Variants in CNTN3 observed in about 807,000 individuals in gnomAD.
CNTN3 encodes the protein contactin 3, also known as contactin-3.
CNTN3 carries 60 observed loss-of-function variants against 119.1 expected under a neutral mutation model. That is an observed-to-expected ratio of 0.50 (90% CI 0.41 to 0.62). CNTN3 has a LOEUF of 0.62. CNTN3 is among the 20% of genes least tolerant of loss of function. The pLI, the probability that CNTN3 is intolerant of heterozygous loss-of-function variation, is 0.00. For synonymous variants in CNTN3, 450 were observed against 438.7 expected, an observed-to-expected ratio of 1.03 and a Z score of -0.32; for missense variants, 1,101 against 1,242.4, an observed-to-expected ratio of 0.89 and a Z score of 1.71.
chr3:74,522,887 A>C (rs1703563437), intron 1 of CNTN3, among the ~76,000 whole-genome samples: 1 of 151,812 alleles, frequency 6.6e-6, no homozygotes. Context: ...TGTCTGCTAC[A>C]CTGTGCATAG....
chr3:74,358,275 G>A (rs1266767519), intron 11 of CNTN3, among the ~76,000 whole-genome samples: 2 of 152,110 alleles, frequency 1.3e-5, no homozygotes, highest in Non-Finnish European at 2.9e-5. Context: ...ATGATCAGTA[G>A]GGGAGATATT....
chr3:74,271,768 G>C (rs1701781786), intron 20 of CNTN3, among the ~76,000 whole-genome samples: 1 of 152,200 alleles, frequency 6.6e-6, no homozygotes, highest in East Asian at 1.9e-4. Context: ...GTGGTATTGT[G>C]CAACGATCAT....
chr3:74,519,972 C>CTT (rs1703515243), intron 2 of CNTN3, among the ~76,000 whole-genome samples: 1 of 151,592 alleles, frequency 6.6e-6, no homozygotes, highest in African/African-American at 2.4e-5. Context: ...TGAACTTTGA[C>CTT]ATAAGAGCCT....
At chr3:74,347,126 A>G (rs1293113939) in intron 11 of CNTN3, among the ~76,000 whole-genome samples, 1 of 152,200 alleles carries the variant, frequency 6.6e-6, no homozygotes, top group Admixed American at 6.5e-5. Context: ...TGGGAGCTGT[A>G]TAATTCATGC....
chr3:74,438,714 A>G (rs556629956), intron 4 of CNTN3, among the ~76,000 whole-genome samples: 1 of 152,242 alleles, frequency 6.6e-6, no homozygotes, highest in South Asian at 2.1e-4. Flanking sequence ...AAAGCTCTTG[A>G]TATTTAGCAT....
intron 4 of CNTN3, among the ~76,000 whole-genome samples, chr3:74,440,069 T>A (rs547919725): frequency 6.6e-6 from 1 of 152,334 alleles, no homozygotes; most frequent in South Asian, 2.1e-4. Context: ...TATTTGGGTA[T>A]AACTGGCTTC....
chr3:74,603,427 C>A (rs1704943290), intron 1 of CNTN3, among the ~76,000 whole-genome samples: 2 of 152,104 alleles, frequency 1.3e-5, no homozygotes, highest in South Asian at 4.1e-4. Flanking sequence ...GAATAAGCCA[C>A]ATAGAGCAGG....
chr3:74,607,446 C>T (rs57378997), intron 1 of CNTN3, among the ~76,000 whole-genome samples: 1 of 152,138 alleles, frequency 6.6e-6, no homozygotes, highest in African/African-American at 2.4e-5. Context: ...AAATGAACTG[C>T]GATTGAGTTA....
At chr3:74,356,756 C>T (rs1454525309) in intron 11 of CNTN3, among the ~76,000 whole-genome samples, 2 of 152,044 alleles carry the variant, frequency 1.3e-5, no homozygotes, top group Non-Finnish European at 2.9e-5. Context: ...ACTACTCTAG[C>T]TTGAAATGCT....
intron 13 of CNTN3, among the ~76,000 whole-genome samples, chr3:74,315,315 TCG>T (rs1406907695): frequency 6.6e-6 from 1 of 152,202 alleles, no homozygotes; most frequent in East Asian, 1.9e-4. Context: ...CCAGCAGATC[TCG>T]AGGCTGCTCT....
chr3:74,336,510 A>G (rs771923058), intron 12 of CNTN3, 21 bp downstream of exon 12: 3 of 1,609,254 alleles, frequency 1.9e-6, no homozygotes, highest in East Asian at 2.2e-5. Context: ...ATGTAAAGCA[A>G]TATTTTAGAA....
chr3:74,551,786 T>G lies in CNTN3; in HGVS notation c.-80-30594A>C, dbSNP rs1247885492. On this transcript the variant is annotated intron_variant, in intron 1 of 22. Transcript: ENST00000263665. ...TTTTTTTTTTTTTTTTTTTTTGAGA[T>G]GGAGTCCTGCTCTGTTGCCCAGGCT... Among the ~76,000 whole-genome samples the G allele has an allele frequency of 2.5e-5, 3 of 118,546 alleles. No individual in the cohort carries two copies. In the Admixed American group the frequency reaches 2.9e-4, roughly 12 times the overall value. 77.8% of individuals were successfully genotyped at this position (118,546 alleles called of 152,430 possible).
chr3:74,550,102 T>G (rs1024048705), intron 1 of CNTN3, among the ~76,000 whole-genome samples: 3 of 152,264 alleles, frequency 2.0e-5, no homozygotes, highest in African/African-American at 7.2e-5. Context: ...GTGGTAGATT[T>G]GGAATGGGGC....
At chr3:74,465,983 G>A (rs9825057) in intron 4 of CNTN3, among the ~76,000 whole-genome samples, 41,543 of 152,010 alleles carry the variant, frequency 0.27, 5,878 homozygotes, top group Non-Finnish European at 0.32. Context: ...GATCCAGCTA[G>A]GACTATAGCC....
chr3:74,343,315 A>G (rs977722922), intron 11 of CNTN3, among the ~76,000 whole-genome samples: 1 of 152,210 alleles, frequency 6.6e-6, no homozygotes, highest in Admixed American at 6.5e-5. Flanking sequence ...TATGTGCAGC[A>G]AACACCAAAG....
intron 4 of CNTN3, among the ~76,000 whole-genome samples, chr3:74,458,813 G>A (rs1391600093): frequency 6.6e-6 from 1 of 152,014 alleles, no homozygotes; most frequent in Non-Finnish European, 1.5e-5. Context: ...ACTAAATGGT[G>A]TGAATGTTTA....
intron 1 of CNTN3, among the ~76,000 whole-genome samples, chr3:74,593,370 T>A (rs1220888657): frequency 6.6e-6 from 1 of 151,960 alleles, no homozygotes; most frequent in Non-Finnish European, 1.5e-5. Flanking sequence ...GTGATTTGCT[T>A]ATAAACAGCA....
chr3:74,306,059 G>A (rs1255781887), intron 13 of CNTN3, among the ~76,000 whole-genome samples: 2 of 151,630 alleles, frequency 1.3e-5, no homozygotes, highest in African/African-American at 2.4e-5. Context: ...ATGCAATTGA[G>A]TATTCCCAGG....
intron 1 of CNTN3, among the ~76,000 whole-genome samples, chr3:74,590,445 C>A (rs941913307): frequency 6.6e-6 from 1 of 151,890 alleles, no homozygotes; most frequent in African/African-American, 2.4e-5. Flanking sequence ...AGAAGAAGAA[C>A]GGGTGGTGAA....
Sources: allele counts gnomAD v4.1 joint callset (sites outside exome capture counted in the v4.1 genomes callset), GRCh38; gene constraint gnomAD v4.1.1; transcripts MANE v1.5; gene names NCBI Gene and HGNC (gene_info 2026-07-23, HGNC 2026-07-21).